Variants in MAP4K3 observed in about 807,000 individuals in gnomAD.
MAP4K3 encodes the protein MAPK/ERK kinase kinase kinase 3.
MAP4K3 carries 94 observed loss-of-function variants against 143.5 expected under a neutral mutation model. The ratio of observed to expected loss-of-function variants is 0.65; its 90% confidence interval spans 0.55 to 0.78. The LOEUF (loss-of-function observed/expected upper bound fraction) is 0.78, where lower values mean the gene tolerates loss of function less well. Ranked by LOEUF, MAP4K3 falls within the 30% of genes least tolerant of loss-of-function variation. The pLI is 0.00. For synonymous variants in MAP4K3, 416 were observed against 347.2 expected, an observed-to-expected ratio of 1.20 and a Z score of -2.20; for missense variants, 1,077 against 1,068.1, an observed-to-expected ratio of 1.01 and a Z score of -0.12.
At chr2:39,368,889 C>T (rs1251996026) in intron 2 of MAP4K3, among the ~76,000 whole-genome samples, 1 of 152,034 alleles carries the variant, frequency 6.6e-6, no homozygotes, top group Non-Finnish European at 1.5e-5. Context: ...AAACAACAAA[C>T]CTATTCTTCC....
intron 29 of MAP4K3, 27 bp downstream of exon 29, chr2:39,260,579 C>T (rs1363346175): frequency 1.2e-6 from 2 of 1,602,312 alleles, no homozygotes; most frequent in Non-Finnish European, 1.7e-6. Flanking sequence ...ATGTATTACC[C>T]TTAATAATTC....
chr2:39,308,032 A>C (rs759868371), intron 14 of MAP4K3, 27 bp from the exon 15 acceptor site: 1 of 1,552,650 alleles, frequency 6.4e-7, no homozygotes, highest in Admixed American at 1.9e-5. Context: ...AAGAAACCCA[A>C]GTTATTTACG....
At chr2:39,309,951 G>C (rs1297393583) in intron 13 of MAP4K3, among the ~76,000 whole-genome samples, 1 of 152,052 alleles carries the variant, frequency 6.6e-6, no homozygotes, top group South Asian at 2.1e-4. Flanking sequence ...ACCACACACT[G>C]ATCTCCAAAG....
intron 12 of MAP4K3, among the ~76,000 whole-genome samples, chr2:39,317,145 A>G (rs1486828272): frequency 6.6e-6 from 1 of 152,164 alleles, no homozygotes; most frequent in African/African-American, 2.4e-5. Flanking sequence ...AAACCTGACA[A>G]AAAGAAGCAA....
intron 6 of MAP4K3, among the ~76,000 whole-genome samples, chr2:39,335,158 G>A (rs1000519828): frequency 2.6e-5 from 4 of 152,130 alleles, no homozygotes; most frequent in Admixed American, 6.6e-5. Flanking sequence ...GTCAGACCAC[G>A]TATAACCTTG....
At chr2:39,366,463 A>T (rs1352550626) in intron 2 of MAP4K3, among the ~76,000 whole-genome samples, 1 of 152,238 alleles carries the variant, frequency 6.6e-6, no homozygotes, top group Admixed American at 6.5e-5. Context: ...TAAATGTTTC[A>T]GACGAAATTT....
rs750590755 is a variant in MAP4K3, at chr2:39,272,416, G to T, written c.1856-16C>A. On this transcript the variant is annotated splice_polypyrimidine_tract_variant and intron_variant, in intron 25 of 33. Coordinates refer to ENST00000263881, the MANE Select transcript of MAP4K3 (RefSeq NM_003618.4). Reference sequence around the variant, plus strand: ...GAAGCTTTACCTATAAAGAAAAACAGATATGACATAAAAGCTAATAATAAA... The same window carrying T: ...GAAGCTTTACCTATAAAGAAAAACATATATGACATAAAAGCTAATAATAAA... 6.2e-7 allele frequency: 1 copy of T among 1,603,362 alleles called. No individual in the cohort carries two copies. Among genetic ancestry groups the T allele is most frequent in the East Asian group, 2.2e-5 (1 of 44,716 alleles).
intron 1 of MAP4K3, among the ~76,000 whole-genome samples, chr2:39,414,537 T>C (rs994297273): frequency 1.3e-5 from 2 of 152,156 alleles, no homozygotes; most frequent in Non-Finnish European, 2.9e-5. Flanking sequence ...CAGATCTCTT[T>C]CTTCTACTCT....
intron 6 of MAP4K3, among the ~76,000 whole-genome samples, chr2:39,334,188 A>C (rs1438316098): frequency 6.6e-6 from 1 of 152,140 alleles, no homozygotes; most frequent in Non-Finnish European, 1.5e-5. Context: ...CCTCTGCATG[A>C]TCTGGTTGCA....
At position 39,299,700 on chromosome 2, in the gene MAP4K3, T is replaced by C. The variant is rs747171229; in HGVS notation, c.1178+43A>G. 1.5e-5 allele frequency: 17 copies of C among 1,110,548 alleles called. No individual in the cohort carries two copies. In the East Asian group the frequency reaches 3.5e-4, roughly 23 times the overall value. 68.8% of individuals were successfully genotyped at this position (1,110,548 alleles called of 1,614,324 possible). A position where few individuals can be genotyped will look rare whatever the true frequency, so the allele number is the denominator to read the frequency against. On this transcript the variant is annotated intron_variant, in intron 16 of 33. Coordinates refer to ENST00000263881, the MANE Select transcript of MAP4K3 (RefSeq NM_003618.4). ...AAATATAATATTAAAGGCAACTTAA[T>C]AATTCTTGAATTTAAATTAAGTTTT...
chr2:39,387,671 A>G (rs1300806782), intron 1 of MAP4K3, among the ~76,000 whole-genome samples: 1 of 152,214 alleles, frequency 6.6e-6, no homozygotes, highest in African/African-American at 2.4e-5. Flanking sequence ...GACAATCAAT[A>G]AAGAGCAAAT....
chr2:39,415,966 AAAAAAAAAAAAAAAATAT>A (rs1262462188), intron 1 of MAP4K3, among the ~76,000 whole-genome samples: 3 of 42,624 alleles, frequency 7.0e-5, no homozygotes, highest in Non-Finnish European at 1.1e-4. Context: ...AAAAAAAAAA[AAAAAAAAAAAAAAAATAT>A]ATATATATAT....
intron 2 of MAP4K3, among the ~76,000 whole-genome samples, chr2:39,358,191 G>C (rs754828148): frequency 6.6e-6 from 1 of 152,174 alleles, no homozygotes; most frequent in Non-Finnish European, 1.5e-5. Flanking sequence ...ATAACTATAA[G>C]CATCATAACT....
At chr2:39,264,589 T>C (rs1052503895) in intron 28 of MAP4K3, among the ~76,000 whole-genome samples, 5 of 152,186 alleles carry the variant, frequency 3.3e-5, no homozygotes, top group African/African-American at 7.2e-5. Flanking sequence ...CCATATATAA[T>C]AGCATGGAAA....
rs534627527 is a variant in MAP4K3, at chr2:39,267,945, C to A, written c.1974-698G>T. ...TTACTGAATTAGTAACTTTGGTTTA[C>A]CAAAAGATATCATTGAGAAAATGAA... is the stretch of plus-strand genomic sequence containing the variant. On this transcript the variant is annotated intron_variant, in intron 26 of 33. Transcript: ENST00000263881. Among the ~76,000 whole-genome samples the A allele has an allele frequency of 2.0e-5, 3 of 152,058 alleles. No individual in the cohort carries two copies. The East Asian group carries it at 5.8e-4, about 29-fold the overall frequency.
intron 28 of MAP4K3, among the ~76,000 whole-genome samples, chr2:39,261,988 T>C (rs1680587160): frequency 6.6e-6 from 1 of 152,104 alleles, no homozygotes; most frequent in Non-Finnish European, 1.5e-5. Flanking sequence ...AATTCTAAAA[T>C]TTTTCTTCAC....
In MAP4K3 at chr2:39,249,907, T is replaced by C. The variant is rs1680083528; in HGVS notation, c.*711A>G. 6.6e-6 allele frequency: 1 copy of C among 152,326 alleles called. No individual in the cohort carries two copies. Among genetic ancestry groups the C allele is most frequent in the Non-Finnish European group, 1.5e-5 (1 of 68,018 alleles). 9.4% of individuals were successfully genotyped at this position (152,326 alleles called of 1,614,324 possible). ...TATAAAAAGACCAGTTACTACAACA[T>C]GTGGTTAATTATAATTGGTTTGCTT... On this transcript the variant is annotated 3_prime_UTR_variant, in exon 34 of 34. Coordinates refer to ENST00000263881, the MANE Select transcript of MAP4K3 (RefSeq NM_003618.4).
intron 24 of MAP4K3, among the ~76,000 whole-genome samples, chr2:39,274,587 T>C (rs190225780): frequency 3.5e-4 from 54 of 152,296 alleles, no homozygotes; most frequent in African/African-American, 1.1e-3. Context: ...CTTTCTTCCT[T>C]TAGTGAGTTA....
At chr2:39,309,390 C>T in intron 14 of MAP4K3, 71 bp downstream of exon 14, 1 of 1,202,776 alleles carries the variant, frequency 8.3e-7, no homozygotes, top group South Asian at 1.3e-5. Context: ...TTGGTCAGTA[C>T]TAATACATCA....
Sources: gnomAD v4.1 joint callset for allele counts (sites outside exome capture counted in the v4.1 genomes callset) on GRCh38, gnomAD v4.1.1 for gene constraint, MANE v1.5 for transcripts, NCBI Gene and HGNC (gene_info 2026-07-23, HGNC 2026-07-21) for gene names.